The following UMODL1 variants were observed in gnomAD, a reference collection of about 807,000 sequenced individuals.
UMODL1 encodes the protein uromodulin like 1, also known as uromodulin-like 1.
UMODL1 carries 128 observed loss-of-function variants against 136.3 expected under a neutral mutation model. The ratio of observed to expected loss-of-function variants is 0.94; its 90% CI spans 0.81 to 1.09. The LOEUF (loss-of-function observed/expected upper bound fraction) is 1.09, where lower values mean the gene tolerates loss of function less well. UMODL1 is among the 50% of genes least tolerant of loss of function. The probability of loss-of-function intolerance (pLI) is 0.00; values close to 1 mark genes in which losing one functional copy is unlikely to be tolerated. For synonymous variants in UMODL1, 721 were observed against 720.0 expected, an observed-to-expected ratio of 1.00 and a Z score of -0.02; for missense variants, 1,766 against 1,725.6, an observed-to-expected ratio of 1.02 and a Z score of -0.41.
chr21:42,135,503 C>T (rs11909133), intron 21 of UMODL1, among the ~76,000 whole-genome samples: 13,671 of 152,188 alleles, frequency 0.09, 906 homozygotes, highest in East Asian at 0.18. Flanking sequence ...CAGGGCCATT[C>T]CGGGCTGCAA....
rs58764222 is a variant in UMODL1 at position 42,095,089 on chromosome 21, G to GTTTTTTTTTTTTTTTTTTTTTTTTTTTTT, written c.932-3814_932-3813insTTTTTTTTTTTTTTTTTTTTTTTTTTTTT. Among the ~76,000 whole-genome samples the GTTTTTTTTTTTTTTTTTTTTTTTTTTTTT allele has an allele frequency of 9.8e-5, 6 of 61,206 alleles. 1 individual carries two copies. Among genetic ancestry groups the GTTTTTTTTTTTTTTTTTTTTTTTTTTTTT allele is most frequent in the Admixed American group, 5.6e-4 (2 of 3,560 alleles). The allele number at this position is 61,206 out of a possible 152,430, so 40.2% of individuals were successfully genotyped here. On this transcript the variant is annotated intron_variant, in intron 6 of 22. Coordinates refer to ENST00000408910, the MANE Select transcript of UMODL1 (RefSeq NM_001004416.3). ...CATCACTCCTTTGTTTTCTTCTGCTGTTTTTTTTTTTTTTTTTTTTTTTGA... is the reference window on the plus strand; with the variant it reads ...CATCACTCCTTTGTTTTCTTCTGCTGTTTTTTTTTTTTTTTTTTTTTTTTTTTTTTTTTTTTTTTTTTTTTTTTTTTTGA...
chr21:42,116,450 C>T (rs761029695), intron 14 of UMODL1, among the ~76,000 whole-genome samples: 6 of 152,266 alleles, frequency 3.9e-5, no homozygotes, highest in Middle Eastern at 3.4e-3. Context: ...ACGTTAAGCT[C>T]TGGCCTGACT....
intron 9 of UMODL1, chr21:42,108,182 G>T (rs2066750281): frequency 4.6e-6 from 2 of 431,276 alleles, no homozygotes; most frequent in Non-Finnish European, 9.7e-6. Flanking sequence ...ATAGACATCA[G>T]GTGCTTGGTG....
chr21:42,064,395 C>T lies in UMODL1; in HGVS notation c.-141+1181C>T, dbSNP rs1481884342. ...CTTTGGACTTGAACTGAAACATTAC[C>T]TCTCCCTGGGTCTTGAGTCTGCCTA... On this transcript the variant is annotated intron_variant, in intron 1 of 22. Transcript: ENST00000400424. 2.0e-5 allele frequency among the ~76,000 whole-genome samples: 3 copies of T among 152,208 alleles called. No individual in the cohort carries two copies. In the East Asian group the frequency reaches 5.8e-4, roughly 29 times the overall value.
chr21:42,084,278 C>G, intron 3 of UMODL1, 33 bp downstream of exon 3: 1 of 1,605,750 alleles, frequency 6.2e-7, no homozygotes, highest in Non-Finnish European at 8.5e-7. Flanking sequence ...TATGGACAGG[C>G]AGCAAAGGCG....
intron 14 of UMODL1, among the ~76,000 whole-genome samples, chr21:42,116,716 T>C (rs1775460190): frequency 6.6e-6 from 1 of 152,040 alleles, no homozygotes; most frequent in East Asian, 1.9e-4. Context: ...TTTTGCAAAA[T>C]TGTGCAACCA....
At chr21:42,073,261 C>T (rs1004168296) in intron 1 of UMODL1, among the ~76,000 whole-genome samples, 10 of 152,226 alleles carry the variant, frequency 6.6e-5, no homozygotes, top group Non-Finnish European at 1.3e-4. Flanking sequence ...TCGGCGTGGT[C>T]ACTGAGTAGG....
intron 21 of UMODL1, among the ~76,000 whole-genome samples, chr21:42,136,021 C>A (rs1456505361): frequency 6.6e-6 from 1 of 152,064 alleles, no homozygotes; most frequent in Non-Finnish European, 1.5e-5. Flanking sequence ...GGGATGAACA[C>A]CCTGAGATGG....
rs753944603 is a variant in UMODL1, at chr21:42,127,195, GTCTAGCAACGCCCGGGACCCCA to G, written c.3486_3507del (p.Ser1163ProfsTer18). 25 of 1,614,094 alleles carry G rather than the reference GTCTAGCAACGCCCGGGACCCCA, an allele frequency of 1.5e-5. No individual in the cohort carries two copies. In the East Asian group the frequency reaches 3.3e-4, roughly 22 times the overall value. On this transcript the variant is annotated frameshift_variant, in exon 19 of 23. Transcript: ENST00000408910. LOFTEE classifies it high-confidence loss of function. ...TCCTGACGGAGTGCTGGGCAACCCC[GTCTAGCAACGCCCGGGACCCCA>G]TCACCTTCAGCTTCATTAACAACAG...
chr21:42,086,405 C>A, intron 4 of UMODL1: 1 of 389,252 alleles, frequency 2.6e-6, no homozygotes, highest in Admixed American at 2.8e-5. Flanking sequence ...AGCTGGCTGG[C>A]AGCCCAGATC....
In UMODL1 at chr21:42,109,765, A is replaced by G. The variant is rs73905549; in HGVS notation, c.1657+66A>G. Reference sequence around the variant, plus strand: ...GCCCGAGAATCTGGGGGTGGGGCAAAGCCCAATTCTCCATAGGCACAGGGC... The same window carrying G: ...GCCCGAGAATCTGGGGGTGGGGCAAGGCCCAATTCTCCATAGGCACAGGGC... On this transcript the variant is annotated intron_variant, in intron 10 of 22. Coordinates refer to ENST00000408910, the MANE Select transcript of UMODL1 (RefSeq NM_001004416.3). 3.6e-3 allele frequency: 5,629 copies of G among 1,563,462 alleles called. 142 individuals carry two copies. In the African/African-American group the frequency reaches 0.066, roughly 18 times the overall value.
intron 21 of UMODL1, among the ~76,000 whole-genome samples, chr21:42,136,813 A>G: frequency 6.6e-6 from 1 of 151,730 alleles, no homozygotes; most frequent in Non-Finnish European, 1.5e-5. Flanking sequence ...TCTGGAGTAC[A>G]GTGGCACGAT....
In UMODL1 at chr21:42,115,948, A is replaced by C. The variant is rs753070453; in HGVS notation, c.2438A>C (p.Gln813Pro). The C allele has an allele frequency of 3.4e-5, 55 of 1,613,922 alleles. No individual in the cohort carries two copies. In the Admixed American group the frequency reaches 9.0e-4, roughly 26 times the overall value. The change falls in exon 14 of 23, where the codon CAG becomes CCG. Residue 813 changes from glutamine (Q) to proline (P), a missense_variant. Transcript: ENST00000408910. Reference sequence around the variant, plus strand: ...GAATCCTTTCGCAACGCAAGCAGCCAGGAGTATCGAGATTTCCTAGAACTA... The same window carrying C: ...GAATCCTTTCGCAACGCAAGCAGCCCGGAGTATCGAGATTTCCTAGAACTA... ...YSESFRNASS[Q>P]EYRDFLELFF...
Position 42,111,032 on chromosome 21 carries a change from G to GC in UMODL1, c.1812dup (p.Trp605LeufsTer18), listed in dbSNP as rs2146503206. Reference sequence around the variant, plus strand: ...TCAGGGCACCCCGGCAGCAGGCCAGGCCTGGACCCCAGAGCCCTCACCCAG... The same window carrying GC: ...TCAGGGCACCCCGGCAGCAGGCCAGGCCCTGGACCCCAGAGCCCTCACCCAG... On this transcript the variant is annotated frameshift_variant, in exon 11 of 23. Coordinates refer to ENST00000408910, the MANE Select transcript of UMODL1 (RefSeq NM_001004416.3). LOFTEE classifies it high-confidence loss of function. The GC allele has an allele frequency of 6.2e-7, 1 of 1,613,202 alleles. No individual in the cohort carries two copies. Among genetic ancestry groups the GC allele is most frequent in the East Asian group, 2.2e-5 (1 of 44,866 alleles).
At chr21:42,114,005 G>A (rs1276492346) in intron 13 of UMODL1, among the ~76,000 whole-genome samples, 175 bp downstream of exon 13, 1 of 152,244 alleles carries the variant, frequency 6.6e-6, no homozygotes, top group Non-Finnish European at 1.5e-5. Flanking sequence ...CCAGACAGGA[G>A]GTGGCTTATT....
rs987616537 is a variant in UMODL1 at position 42,122,231 on chromosome 21, A to G, written c.2828-600A>G. On this transcript the variant is annotated intron_variant, in intron 16 of 22. Transcript: ENST00000408910. This position sits in a 1 kb window ranked among gnomAD's most constrained non-coding sequence, Gnocchi z 4.3. The stretch of plus-strand genomic sequence containing the variant: ...GGAGCTGTGTCTGGGGTCTGCTTCC[A>G]TATAGACCACCCCGAGAACAGGTGG... Among the ~76,000 whole-genome samples, 11 of 152,272 alleles carry G rather than the reference A, an allele frequency of 7.2e-5. No individual in the cohort carries two copies. The highest frequency in any genetic ancestry group is 1.9e-4 in the African/African-American group (8 of 41,570).
At position 42,084,170 on chromosome 21, in the gene UMODL1, G is replaced by T. The variant is rs536875244; in HGVS notation, c.406G>T (p.Asp136Tyr). The T allele has an allele frequency of 4.3e-6, 7 of 1,614,074 alleles. No homozygotes were observed. The highest frequency in any genetic ancestry group is 3.3e-5 in the South Asian group (3 of 91,076). ...PEPSTSPCSL[D>Y]IDCPGLEKCC... ...ACCATCCACCTCCCCCTGCAGCTTGGACATCGACTGTCCTGGACTTGAGAA... is the reference window on the plus strand; with the variant it reads ...ACCATCCACCTCCCCCTGCAGCTTGTACATCGACTGTCCTGGACTTGAGAA... The change falls in exon 3 of 23, where the codon GAC becomes TAC. Residue 136 changes from aspartate to tyrosine, a missense_variant. Asp to Tyr is a radical substitution (Grantham distance 160). Transcript: ENST00000408910.
intron 1 of UMODL1, among the ~76,000 whole-genome samples, chr21:42,075,120 G>A (rs181145262): frequency 1.7e-4 from 26 of 152,142 alleles, no homozygotes; most frequent in Non-Finnish European, 2.8e-4. Context: ...GGGTGGTCTC[G>A]ATCTCCTGAC....
rs1317538524 is a variant in UMODL1 at position 42,071,360 on chromosome 21, C to T, written c.44C>T (p.Ala15Val). The change falls in exon 1 of 23, where the codon GCT (alanine) becomes GTT (valine). Residue 15 changes from alanine to valine, a missense_variant. Ala to Val is a moderately conservative substitution (Grantham distance 64, BLOSUM62 0). Transcript: ENST00000408910. ...CTGGCACTGCTGGCTCTGGTCAGTG[C>T]TGTGGGCCCAAGCCAGGCCAGCGGC... ...SGLALLALVSAVGPSQASGFT... is the reference protein window; with the variant it reads ...SGLALLALVSVVGPSQASGFT... The T allele has an allele frequency of 3.1e-6, 5 of 1,597,206 alleles. No individual in the cohort carries two copies. The highest frequency in any genetic ancestry group is 4.3e-6 in the Non-Finnish European group (5 of 1,172,202).
Sources: gnomAD v4.1 joint callset for allele counts (sites outside exome capture counted in the v4.1 genomes callset) on GRCh38, gnomAD v4.1.1 for gene constraint, Gnocchi (gnomAD v3.1) non-coding constraint, MANE v1.5 for transcripts, NCBI Gene and HGNC (gene_info 2026-07-23, HGNC 2026-07-21) for gene names.